EFHC1: variants seen among roughly 807,000 people sequenced by gnomAD.
EFHC1 encodes EF-hand domain containing 1, also known as EF-hand domain-containing protein 1.
EFHC1 carries 53 observed loss-of-function variants against 69.9 expected under a neutral mutation model. The observed-to-expected ratio is 0.76, with a 90% confidence interval of 0.61 to 0.95. EFHC1 has a LOEUF of 0.95. Among genes scored for constraint, EFHC1 ranks in the 40% least tolerant of loss-of-function variants. EFHC1 has a pLI of 0.00. For synonymous variants in EFHC1, 256 were observed against 278.4 expected (o/e 0.92, Z 0.80); for missense variants, 739 against 798.7 (o/e 0.93, Z 0.90).
At chr6:52,453,621 C>CAAA (rs1400071508) in intron 4 of EFHC1, 1 of 1,125,702 alleles carries the variant, frequency 8.9e-7, no homozygotes, top group African/African-American at 1.9e-5. Context: ...AGAAGCCTAG[C>CAAA]CAAAAAAAAA....
chr6:52,459,824 G>A (rs906228512), intron 5 of EFHC1, among the ~76,000 whole-genome samples: 1 of 152,124 alleles, frequency 6.6e-6, no homozygotes, highest in African/African-American at 2.4e-5. Context: ...ACAGGCGCCT[G>A]CCACTACGCC....
intron 2 of EFHC1, among the ~76,000 whole-genome samples, chr6:52,437,395 A>G (rs533764791): frequency 5.9e-5 from 9 of 152,322 alleles, no homozygotes; most frequent in Non-Finnish European, 1.3e-4. Flanking sequence ...TATGCAATAA[A>G]TAGTTTATAC....
intron 4 of EFHC1, chr6:52,453,177 G>A (rs1235791886): frequency 1.5e-6 from 2 of 1,327,794 alleles, no homozygotes; most frequent in East Asian, 4.7e-5. Flanking sequence ...TAATTTCATA[G>A]ACTCCTTTGT....
chr6:52,466,083 A>T (rs1765301129), intron 6 of EFHC1, among the ~76,000 whole-genome samples: 1 of 152,068 alleles, frequency 6.6e-6, no homozygotes, highest in African/African-American at 2.4e-5. Flanking sequence ...AAAATAAATG[A>T]TATCCACTCA....
At chr6:52,482,594 T>C in intron 9 of EFHC1, 1 of 384,882 alleles carries the variant, frequency 2.6e-6, no homozygotes. Context: ...AATTGTCATA[T>C]TCCTGTTTAA....
rs769799699 is a variant in EFHC1 at position 52,479,766 on chromosome 6, C to T, written c.1619C>T (p.Ala540Val). ...SIQNHVRKRE[A>V]PAPEAESKQT... ...CAGAACCATGTCCGAAAGCGAGAAG[C>T]GCCTGCTCCAGAAGCAGAAAGGTGT... The change falls in exon 9 of 11, where the codon GCG (alanine) becomes GTG (valine). Residue 540 changes from alanine (A) to valine (V), a missense_variant. Physicochemically the swap from Ala to Val is moderately conservative, Grantham distance 64. Transcript: ENST00000371068. 11 of 1,614,140 alleles carry T rather than the reference C, an allele frequency of 6.8e-6. No individual in the cohort carries two copies. Among genetic ancestry groups the T allele is most frequent in the East Asian group, 4.5e-5 (2 of 44,892 alleles).
chr6:52,484,998 T>C (rs1272458706), intron 9 of EFHC1, among the ~76,000 whole-genome samples: 1 of 152,100 alleles, frequency 6.6e-6, no homozygotes, highest in Non-Finnish European at 1.5e-5. Context: ...ATCCATATCA[T>C]TAATTGAAAA....
At chr6:52,481,873 C>G (rs1024305057) in intron 9 of EFHC1, 1 of 152,130 alleles carries the variant, frequency 6.6e-6, no homozygotes, top group African/African-American at 2.4e-5. Context: ...GAACTAAGCT[C>G]TGGGGTCCAC....
At chr6:52,473,144 T>G (rs1765473887) in intron 7 of EFHC1, among the ~76,000 whole-genome samples, 2 of 152,090 alleles carry the variant, frequency 1.3e-5, no homozygotes, top group South Asian at 4.1e-4. Context: ...TCACTGTGTA[T>G]TAAAAGTCAC....
intron 4 of EFHC1, 83 bp downstream of exon 4, chr6:52,452,920 T>C: frequency 2.5e-6 from 4 of 1,606,576 alleles, no homozygotes; most frequent in South Asian, 1.1e-5. Flanking sequence ...GGTAGCTGTA[T>C]TGGTAACTAT....
intron 6 of EFHC1, among the ~76,000 whole-genome samples, chr6:52,465,810 CA>C (rs1253664206): frequency 2.0e-5 from 3 of 147,460 alleles, no homozygotes; most frequent in Non-Finnish European, 3.0e-5. Context: ...AAGTCTGTCT[CA>C]AAAAAATATG....
chr6:52,458,140 A>G (rs1190706294), intron 5 of EFHC1, among the ~76,000 whole-genome samples: 2 of 152,226 alleles, frequency 1.3e-5, no homozygotes, highest in Non-Finnish European at 2.9e-5. Flanking sequence ...GTGCTGGAAC[A>G]ATTCAATAGC....
chr6:52,479,802 G>A lies in EFHC1; in HGVS notation c.1640+15G>A, dbSNP rs1290559403. Reference sequence around the variant, plus strand: ...GAAGCAGAAAGGTGTGTGTTTGATTGCTAGGGTTTGGCACACTCAAGATAT... The same window carrying A: ...GAAGCAGAAAGGTGTGTGTTTGATTACTAGGGTTTGGCACACTCAAGATAT... On this transcript the variant is annotated intron_variant, in intron 9 of 10. Transcript: ENST00000371068. The A allele has an allele frequency of 6.2e-7, 1 of 1,613,468 alleles. No individual in the cohort carries two copies. Among genetic ancestry groups the A allele is most frequent in the East Asian group, 2.2e-5 (1 of 44,890 alleles).
intron 9 of EFHC1, chr6:52,485,772 C>G (rs1475054336): frequency 6.6e-6 from 1 of 152,194 alleles, no homozygotes; most frequent in Non-Finnish European, 1.5e-5. Context: ...GACATTTTCA[C>G]TAGAAGCAAA....
intron 7 of EFHC1, among the ~76,000 whole-genome samples, chr6:52,478,289 G>A (rs866419899): frequency 2.0e-5 from 3 of 152,042 alleles, no homozygotes; most frequent in Middle Eastern, 3.4e-3. Context: ...GTGGGAGGAG[G>A]GGGGAGGGAT....
chr6:52,445,538 GT>G (rs141607191), intron 3 of EFHC1, among the ~76,000 whole-genome samples: 2,428 of 151,384 alleles, frequency 0.016, 30 homozygotes, highest in Non-Finnish European at 0.026. Flanking sequence ...TTTTTGAAGG[GT>G]TTTTTGTGTC....
chr6:52,488,227 T>G (rs1019604191), intron 9 of EFHC1: 14 of 152,188 alleles, frequency 9.2e-5, no homozygotes, highest in Non-Finnish European at 2.1e-4. Flanking sequence ...CTAAAATAGC[T>G]CCCTGGTGGT....
chr6:52,491,355 A>G (rs1765898498), intron 10 of EFHC1, among the ~76,000 whole-genome samples: 1 of 152,206 alleles, frequency 6.6e-6, no homozygotes, highest in South Asian at 2.1e-4. Flanking sequence ...CACATCTTAT[A>G]AAAATAACCA....
At chr6:52,427,363 T>C (rs1159160246) in intron 2 of EFHC1, among the ~76,000 whole-genome samples, 1 of 152,170 alleles carries the variant, frequency 6.6e-6, no homozygotes, top group African/African-American at 2.4e-5. Context: ...GGATTTATTT[T>C]TACTGATTTC....
Sources: allele counts gnomAD v4.1 joint callset (sites outside exome capture counted in the v4.1 genomes callset), GRCh38; gene constraint gnomAD v4.1.1; transcripts MANE v1.5; gene names NCBI Gene and HGNC (gene_info 2026-07-23, HGNC 2026-07-21).